Variants in CDH10 observed in about 807,000 individuals in gnomAD.
CDH10 encodes cadherin-10.
A neutral mutation model predicts 73.1 loss-of-function variants in CDH10; 30 were observed. The ratio of observed to expected loss-of-function variants is 0.41; its 90% CI spans 0.31 to 0.56. CDH10 has a LOEUF of 0.56. Ranked by LOEUF, CDH10 falls within the 20% of genes least tolerant of loss-of-function variation. The pLI is 0.27. For missense variants in CDH10, 815 were observed against 973.7 expected (o/e 0.84, Z 2.17); for synonymous variants, 345 against 348.2 (o/e 0.99, Z 0.10).
chr5:24,524,707 G>A, intron 5 of CDH10, among the ~76,000 whole-genome samples: 1 of 152,076 alleles, frequency 6.6e-6, no homozygotes, highest in Middle Eastern at 3.4e-3. Context: ...GAAGGAGAGA[G>A]GTAATTGCCA....
chr5:24,622,486 T>C (rs1172350344), intron 1 of CDH10, among the ~76,000 whole-genome samples: 1 of 152,186 alleles, frequency 6.6e-6, no homozygotes, highest in Admixed American at 6.5e-5. Flanking sequence ...TTAGCATGGA[T>C]GAAAATTTGT....
intron 7 of CDH10, among the ~76,000 whole-genome samples, chr5:24,507,383 C>CATATACATA (rs142316179): frequency 1.3e-5 from 2 of 150,730 alleles, no homozygotes; most frequent in African/African-American, 4.9e-5. Context: ...TTATAATATA[C>CATATACATA]ATATACATAA....
At chr5:24,565,767 A>C (rs1395007701) in intron 2 of CDH10, among the ~76,000 whole-genome samples, 2 of 151,824 alleles carry the variant, frequency 1.3e-5, no homozygotes, top group East Asian at 1.9e-4. Flanking sequence ...TCTTTCACAC[A>C]CACACACACC....
In CDH10 at chr5:24,554,115, G is replaced by GAGAGAGAGA. The variant is rs1561159222; in HGVS notation, c.232-16442_232-16441insTCTCTCTCT. On this transcript the variant is annotated intron_variant, in intron 2 of 11. Transcript: ENST00000264463. ...AGAGAGAGAAGGGGAGGTGGGCGGG[G>GAGAGAGAGA]GGGGGAGAGAGAGAGACATTCAATC... The GAGAGAGAGA allele has an allele frequency of 2.2e-4, 5 of 22,908 alleles. 1 individual carries two copies. Among genetic ancestry groups the GAGAGAGAGA allele is most frequent in the Non-Finnish European group, 4.1e-4 (4 of 9,796 alleles). 1.4% of individuals were successfully genotyped at this position (22,908 alleles called of 1,614,324 possible). A position where few individuals can be genotyped will look rare whatever the true frequency, so the allele number is the denominator to read the frequency against.
At chr5:24,614,568 C>T (rs547064593) in intron 1 of CDH10, among the ~76,000 whole-genome samples, 25 of 152,150 alleles carry the variant, frequency 1.6e-4, no homozygotes, top group Admixed American at 9.2e-4. Flanking sequence ...CAGGGATGAA[C>T]GTCTCCATTT....
chr5:24,522,090 T>C (rs1463213699), intron 5 of CDH10, among the ~76,000 whole-genome samples: 3 of 152,000 alleles, frequency 2.0e-5, no homozygotes, highest in Non-Finnish European at 4.4e-5. Flanking sequence ...GCCGCAATTG[T>C]GCCACTGCAC....
At chr5:24,586,843 C>CATTTTTTTT (rs1746024369) in intron 2 of CDH10, among the ~76,000 whole-genome samples, 1 of 102,784 alleles carries the variant, frequency 9.7e-6, no homozygotes, top group African/African-American at 4.2e-5. Context: ...AGCCCATATT[C>CATTTTTTTT]TTTTTTTTTT....
At chr5:24,498,643 T>C (rs1561124055) in intron 8 of CDH10, 124 bp from the exon 9 acceptor site, 7 of 641,632 alleles carry the variant, frequency 1.1e-5, no homozygotes, top group Non-Finnish European at 2.0e-5. Context: ...ATTCTACTAA[T>C]ATAATGAGCA....
intron 2 of CDH10, among the ~76,000 whole-genome samples, chr5:24,592,182 G>GACAAAACATATC (rs1396309017): frequency 1.3e-5 from 2 of 151,692 alleles, no homozygotes; most frequent in Non-Finnish European, 2.9e-5. Flanking sequence ...AGTGCAATAT[G>GACAAAACATATC]ACAAAACATA....
chr5:24,643,748 A>G (rs2112227960), intron 1 of CDH10, among the ~76,000 whole-genome samples: 1 of 152,330 alleles, frequency 6.6e-6, no homozygotes, highest in South Asian at 2.1e-4. Context: ...ATAAGGAGAC[A>G]GTAGGTTTTT....
chr5:24,559,529 A>T (rs1465218294), intron 2 of CDH10, among the ~76,000 whole-genome samples: 2 of 152,038 alleles, frequency 1.3e-5, no homozygotes, highest in African/African-American at 2.4e-5. Flanking sequence ...TTATGCTGAG[A>T]TCTCTGTATA....
At chr5:24,569,353 C>T (rs1030483875) in intron 2 of CDH10, among the ~76,000 whole-genome samples, 10 of 151,980 alleles carry the variant, frequency 6.6e-5, no homozygotes, top group Non-Finnish European at 1.5e-4. Context: ...AAACTGTACA[C>T]TTAAAAATGG....
At chr5:24,584,828 TTCA>T (rs927340851) in intron 2 of CDH10, among the ~76,000 whole-genome samples, 1 of 151,428 alleles carries the variant, frequency 6.6e-6, no homozygotes, top group African/African-American at 2.4e-5. Flanking sequence ...TGTCTAGTTG[TTCA>T]TCATTTCAAA....
At chr5:24,550,958 T>A (rs1338630920) in intron 2 of CDH10, among the ~76,000 whole-genome samples, 1 of 152,196 alleles carries the variant, frequency 6.6e-6, no homozygotes, top group Non-Finnish European at 1.5e-5. Flanking sequence ...CTATGGCTAC[T>A]CTCTACCCAG....
chr5:24,630,666 T>C (rs1579488138), intron 1 of CDH10, among the ~76,000 whole-genome samples: 1 of 149,506 alleles, frequency 6.7e-6, no homozygotes, highest in East Asian at 2.0e-4. Context: ...AGAAACAAAA[T>C]GAGAGAGATT....
At chr5:24,546,226 C>A (rs1056410100) in intron 2 of CDH10, among the ~76,000 whole-genome samples, 1 of 152,034 alleles carries the variant, frequency 6.6e-6, no homozygotes, top group Non-Finnish European at 1.5e-5. Context: ...ACAATGCTAA[C>A]ACAGTATCAG....
intron 1 of CDH10, among the ~76,000 whole-genome samples, chr5:24,641,929 T>C (rs967524689): frequency 6.6e-6 from 1 of 152,142 alleles, no homozygotes; most frequent in Admixed American, 6.6e-5. Context: ...TTACTTATAA[T>C]TGGCATAAAT....
chr5:24,607,758 A>G (rs565044280), intron 1 of CDH10, among the ~76,000 whole-genome samples: 1 of 152,194 alleles, frequency 6.6e-6, no homozygotes, highest in South Asian at 2.1e-4. Flanking sequence ...AGATCACACA[A>G]TGAAAGTTTT....
At chr5:24,552,748 G>A (rs1173277195) in intron 2 of CDH10, among the ~76,000 whole-genome samples, 1 of 151,658 alleles carries the variant, frequency 6.6e-6, no homozygotes, top group Non-Finnish European at 1.5e-5. Context: ...GCTACTAATT[G>A]TCTAAATTCT....
Sources: allele counts gnomAD v4.1 joint callset (sites outside exome capture counted in the v4.1 genomes callset), GRCh38; gene constraint gnomAD v4.1.1; transcripts MANE v1.5; gene names NCBI Gene and HGNC (gene_info 2026-07-23, HGNC 2026-07-21).